PTPRD: variants seen among roughly 807,000 people sequenced by gnomAD.
The protein encoded by PTPRD is protein tyrosine phosphatase receptor type D, also known as receptor-type tyrosine-protein phosphatase delta.
In PTPRD, 34 loss-of-function variants were observed where a neutral mutation model predicts 214.5. That is an observed-to-expected ratio of 0.16 (90% CI 0.12 to 0.21). PTPRD has a LOEUF of 0.21. Among genes scored for constraint, PTPRD ranks in the 10% least tolerant of loss-of-function variants. The pLI, the probability that PTPRD is intolerant of heterozygous loss-of-function variation, is 1.00. For missense variants in PTPRD, 2,545 were observed against 2,398.7 expected, an observed-to-expected ratio of 1.06 and a Z score of -1.27; for synonymous variants, 1,128 against 845.7, an observed-to-expected ratio of 1.33 and a Z score of -5.79.
chr9:9,175,702 T>A (rs1008286545), intron 10 of PTPRD, among the ~76,000 whole-genome samples: 2 of 151,784 alleles, frequency 1.3e-5, no homozygotes, highest in African/African-American at 4.8e-5. Context: ...CTATTTGTTT[T>A]GAGGAAGACT....
chr9:9,477,081 T>G (rs2095105398), intron 8 of PTPRD, among the ~76,000 whole-genome samples: 1 of 152,122 alleles, frequency 6.6e-6, no homozygotes, highest in South Asian at 2.1e-4. Context: ...GCAAAAAAGG[T>G]ACTATTTACC....
rs1000732962 is a variant in PTPRD at position 8,501,068 on chromosome 9, G to A, written c.1823-9C>T. The A allele has an allele frequency of 1.2e-6, 2 of 1,607,648 alleles. No individual in the cohort carries two copies. Among genetic ancestry groups the A allele is most frequent in the Non-Finnish European group, 8.5e-7 (1 of 1,175,536 alleles). ...AGGAGGAGCTGACGGCTCTTATTTT[G>A]GTAGTGAGTTAAAGGAGGATTTAAG... On this transcript the variant is annotated splice_polypyrimidine_tract_variant and intron_variant, in intron 23 of 45. Transcript: ENST00000381196.
At chr9:10,082,217 G>A (rs924569340) in intron 3 of PTPRD, among the ~76,000 whole-genome samples, 4 of 152,022 alleles carry the variant, frequency 2.6e-5, no homozygotes, top group Non-Finnish European at 5.9e-5. Flanking sequence ...AATAATAAAC[G>A]TTAAAGGATG....
At chr9:9,382,790 A>G (rs2062731986) in intron 9 of PTPRD, among the ~76,000 whole-genome samples, 1 of 152,080 alleles carries the variant, frequency 6.6e-6, no homozygotes, top group South Asian at 2.1e-4. Flanking sequence ...TGATTTGGTA[A>G]TCCTACTTCT....
At chr9:9,314,931 A>G (rs1259137724) in intron 9 of PTPRD, among the ~76,000 whole-genome samples, 1 of 151,954 alleles carries the variant, frequency 6.6e-6, no homozygotes, top group Non-Finnish European at 1.5e-5. Context: ...TTATTACAGT[A>G]ATTTACTTTG....
At chr9:8,811,413 A>G (rs773614980) in intron 11 of PTPRD, among the ~76,000 whole-genome samples, 1 of 152,120 alleles carries the variant, frequency 6.6e-6, no homozygotes, top group African/African-American at 2.4e-5. Context: ...GTACAATAAA[A>G]ATCTGCCAAC....
chr9:10,098,496 T>C lies in PTPRD; in HGVS notation c.-544-64706A>G, dbSNP rs192815039. ...TACCCTAAAACTTAAAGTATAATAATAATAAAATAAAATAAAAATAAAAAT... is the reference window on the plus strand; with the variant it reads ...TACCCTAAAACTTAAAGTATAATAACAATAAAATAAAATAAAAATAAAAAT... On this transcript the variant is annotated intron_variant, in intron 3 of 45. Transcript: ENST00000381196. Among the ~76,000 whole-genome samples the C allele has an allele frequency of 2.7e-3, 408 of 151,544 alleles. 1 individual carries two copies. The highest frequency in any genetic ancestry group is 9.2e-3 in the African/African-American group (379 of 41,406).
intron 14 of PTPRD, among the ~76,000 whole-genome samples, chr9:8,561,225 T>C (rs2086174271): frequency 6.6e-6 from 1 of 152,142 alleles, no homozygotes; most frequent in Non-Finnish European, 1.5e-5. Context: ...CGCTTTAATC[T>C]TTTTTGAATA....
At chr9:9,061,935 G>A (rs536217804) in intron 10 of PTPRD, among the ~76,000 whole-genome samples, 18 of 152,138 alleles carry the variant, frequency 1.2e-4, no homozygotes, top group African/African-American at 4.1e-4. Context: ...CCACTGCTCT[G>A]GGGGATAATG....
chr9:8,915,423 G>A (rs2098778103), intron 11 of PTPRD, among the ~76,000 whole-genome samples: 1 of 152,162 alleles, frequency 6.6e-6, no homozygotes, highest in Admixed American at 6.5e-5. Context: ...GATCAACGGG[G>A]ATTGTGGACC....
chr9:9,867,156 C>T (rs901429891), intron 5 of PTPRD, among the ~76,000 whole-genome samples: 1 of 152,064 alleles, frequency 6.6e-6, no homozygotes, highest in African/African-American at 2.4e-5. Flanking sequence ...ATATTTTTCC[C>T]TAAAGCTTAA....
chr9:9,080,876 G>T (rs201921845), intron 10 of PTPRD, among the ~76,000 whole-genome samples: 1 of 151,754 alleles, frequency 6.6e-6, no homozygotes, highest in Admixed American at 6.6e-5. Context: ...CATCTATTTG[G>T]TTCTTCTCTC....
At chr9:10,061,445 C>T (rs2097776277) in intron 3 of PTPRD, among the ~76,000 whole-genome samples, 1 of 152,066 alleles carries the variant, frequency 6.6e-6, no homozygotes, top group Non-Finnish European at 1.5e-5. Context: ...TCTCTTTCGC[C>T]TTCTCACATC....
chr9:9,449,865 G>T lies in PTPRD; in HGVS notation c.-236-52383C>A, dbSNP rs147643658. ...CAGTGTACACTATATACAATGTGTG[G>T]TCTTTTATCCCTCACTCCAACCCAC... On this transcript the variant is annotated intron_variant, in intron 8 of 45. Coordinates refer to ENST00000381196, the MANE Select transcript of PTPRD (RefSeq NM_002839.4). 7.7e-3 allele frequency among the ~76,000 whole-genome samples: 1,162 copies of T among 151,834 alleles called. 10 individuals are homozygous for T. The highest frequency in any genetic ancestry group is 0.027 in the African/African-American group (1,122 of 41,444).
At chr9:9,632,659 T>C (rs1186799410) in intron 7 of PTPRD, among the ~76,000 whole-genome samples, 1 of 152,134 alleles carries the variant, frequency 6.6e-6, no homozygotes, top group Non-Finnish European at 1.5e-5. Context: ...TTGCTTCATT[T>C]TTCTGCTTCT....
intron 6 of PTPRD, among the ~76,000 whole-genome samples, chr9:9,755,461 T>A (rs2098558616): frequency 6.6e-6 from 1 of 152,086 alleles, no homozygotes; most frequent in Non-Finnish European, 1.5e-5. Context: ...CTCCTCAAAC[T>A]CTTCCTCATT....
At chr9:9,752,074 G>T (rs1471283079) in intron 6 of PTPRD, among the ~76,000 whole-genome samples, 2 of 152,108 alleles carry the variant, frequency 1.3e-5, no homozygotes, top group Non-Finnish European at 2.9e-5. Context: ...AGGAGACAAT[G>T]AAGGAATTAT....
intron 14 of PTPRD, among the ~76,000 whole-genome samples, chr9:8,611,067 C>T (rs1019556698): frequency 1.3e-5 from 2 of 152,090 alleles, no homozygotes; most frequent in African/African-American, 2.4e-5. Flanking sequence ...ACTCAAAACA[C>T]GTGATGAAAA....
chr9:10,143,299 TA>T (rs955099409), intron 3 of PTPRD, among the ~76,000 whole-genome samples: 7 of 151,188 alleles, frequency 4.6e-5, no homozygotes, highest in African/African-American at 1.5e-4. Context: ...TAAAATAAAA[TA>T]AAAAAATAAA....
Sources: allele counts gnomAD v4.1 joint callset (sites outside exome capture counted in the v4.1 genomes callset), GRCh38; gene constraint gnomAD v4.1.1; transcripts MANE v1.5; gene names NCBI Gene and HGNC (gene_info 2026-07-23, HGNC 2026-07-21).